Variants in GFRA1 observed in about 807,000 individuals in gnomAD.
GFRA1 encodes the protein GDNF family receptor alpha-1.
A neutral mutation model predicts 51.6 loss-of-function variants in GFRA1; 16 were observed. The ratio of observed to expected loss-of-function variants is 0.31; its 90% CI spans 0.21 to 0.47. The LOEUF (loss-of-function observed/expected upper bound fraction) is 0.47. GFRA1 is among the 20% of genes least tolerant of loss of function. The pLI is 1.00. For missense variants in GFRA1, 530 were observed against 594.3 expected (o/e 0.89, Z 1.13); for synonymous variants, 270 against 241.3 (o/e 1.12, Z -1.10).
At chr10:116,122,533 G>A (rs1957689857) in intron 6 of GFRA1, among the ~76,000 whole-genome samples, 1 of 152,130 alleles carries the variant, frequency 6.6e-6, no homozygotes, top group African/African-American at 2.4e-5. Flanking sequence ...AGCCCTCTAA[G>A]TTCTCAACTC....
Position 116,271,126 on chromosome 10 carries a change from G to A in GFRA1, c.41-11C>T, listed in dbSNP as rs764540498. Reference sequence around the variant, plus strand: ...CCGACAGGAGCAAGTCTGCGGGGCAGAGGGGAGGGAGCCTGAGTGCGGCGG... The same window carrying A: ...CCGACAGGAGCAAGTCTGCGGGGCAAAGGGGAGGGAGCCTGAGTGCGGCGG... On this transcript the variant is annotated splice_polypyrimidine_tract_variant and intron_variant, in intron 2 of 10. Coordinates refer to ENST00000355422, the MANE Select transcript of GFRA1 (RefSeq NM_005264.8). The A allele has an allele frequency of 2.5e-6, 4 of 1,595,022 alleles. No individual in the cohort carries two copies. Among genetic ancestry groups the A allele is most frequent in the East Asian group, 2.3e-5 (1 of 44,318 alleles).
chr10:116,223,000 A>C (rs1966031043), intron 4 of GFRA1, among the ~76,000 whole-genome samples: 1 of 152,270 alleles, frequency 6.6e-6, no homozygotes, highest in East Asian at 1.9e-4. Context: ...TCTATACAGA[A>C]GGATGTGCAT....
rs146471209 is a variant in GFRA1 at position 116,251,623 on chromosome 10, C to A, written c.418+17880G>T. Among the ~76,000 whole-genome samples the A allele has an allele frequency of 2.6e-5, 4 of 152,310 alleles. No homozygotes were observed. The East Asian group carries it at 7.7e-4, about 29-fold the overall frequency. ...TACAAAGAATATCTCAAGTCCAATG[C>A]CAGCCTTCCAGGAGTTTAAACACTT... On this transcript the variant is annotated intron_variant, in intron 4 of 10. Coordinates refer to ENST00000355422, the MANE Select transcript of GFRA1 (RefSeq NM_005264.8).
chr10:116,096,769 A>C lies in GFRA1; in HGVS notation c.771-5T>G, dbSNP rs1176046318. The stretch of plus-strand genomic sequence containing the variant: ...AAAAAATCCGCAAGGCGAGATCTAC[A>C]ATAGGAAAAAAGGGGTGGGGGGTGG... On this transcript the variant is annotated splice_polypyrimidine_tract_variant and splice_region_variant and intron_variant, in intron 6 of 10. Coordinates refer to ENST00000355422, the MANE Select transcript of GFRA1 (RefSeq NM_005264.8). 6.5e-7 allele frequency: 1 copy of C among 1,541,616 alleles called. No individual in the cohort carries two copies. The highest frequency in any genetic ancestry group is 9.0e-7 in the Non-Finnish European group (1 of 1,115,728).
chr10:116,247,131 C>T (rs1967930967), intron 4 of GFRA1, among the ~76,000 whole-genome samples: 1 of 152,198 alleles, frequency 6.6e-6, no homozygotes, highest in East Asian at 1.9e-4. Flanking sequence ...TGTCCCCGAC[C>T]CCTGCCCCAT....
At chr10:116,209,273 A>C (rs1374819811) in intron 5 of GFRA1, among the ~76,000 whole-genome samples, 3 of 152,230 alleles carry the variant, frequency 2.0e-5, no homozygotes, top group Non-Finnish European at 4.4e-5. Context: ...AATATAAGAT[A>C]ATGCAATCCA....
At chr10:116,085,103 A>G (rs1956037150) in intron 9 of GFRA1, among the ~76,000 whole-genome samples, 1 of 152,156 alleles carries the variant, frequency 6.6e-6, no homozygotes, top group Non-Finnish European at 1.5e-5. Context: ...ACACTAATCA[A>G]TCAACTTTCC....
intron 6 of GFRA1, among the ~76,000 whole-genome samples, chr10:116,104,643 C>A (rs1030012714): frequency 2.6e-5 from 4 of 152,228 alleles, no homozygotes; most frequent in African/African-American, 9.6e-5. Flanking sequence ...TTTCTGATTG[C>A]ATCAAACTGC....
Position 116,060,645 on chromosome 10 carries a change from C to T in GFRA1, c.*3753G>A, listed in dbSNP as rs1954764520. On this transcript the variant is annotated 3_prime_UTR_variant, in exon 11 of 11. Transcript: ENST00000355422. ...AGGTCGTTCTTGAAAAGATGGGTGT[C>T]ACATAGTCTGATGTGCTTTATCAAA... The T allele has an allele frequency of 6.6e-6, 1 of 152,116 alleles. No homozygotes were observed. Among genetic ancestry groups the T allele is most frequent in the East Asian group, 1.9e-4 (1 of 5,158 alleles). The allele number at this position is 152,116 out of a possible 1,614,324, so 9.4% of individuals were successfully genotyped here.
intron 5 of GFRA1, among the ~76,000 whole-genome samples, chr10:116,141,851 T>G (rs2134095494): frequency 6.6e-6 from 1 of 152,270 alleles, no homozygotes; most frequent in South Asian, 2.1e-4. Flanking sequence ...CCCAAATTGC[T>G]GGGATTACAG....
chr10:116,254,054 C>T (rs1404164194), intron 4 of GFRA1, among the ~76,000 whole-genome samples: 1 of 152,106 alleles, frequency 6.6e-6, no homozygotes, highest in Non-Finnish European at 1.5e-5. Context: ...GGTGCAATAG[C>T]TCATGCCTGT....
At chr10:116,113,458 C>A (rs547728485) in intron 6 of GFRA1, among the ~76,000 whole-genome samples, 12 of 152,200 alleles carry the variant, frequency 7.9e-5, no homozygotes, top group African/African-American at 2.6e-4. Flanking sequence ...ACTATGTTTG[C>A]CAAAGAGCAC....
At chr10:116,222,191 C>A (rs529841795) in intron 4 of GFRA1, among the ~76,000 whole-genome samples, 26 of 152,044 alleles carry the variant, frequency 1.7e-4, no homozygotes, top group African/African-American at 3.6e-4. Context: ...TTCTTTTCTT[C>A]TTTATTTATT....
At chr10:116,125,629 G>T in intron 5 of GFRA1, 72 bp from the exon 6 acceptor site, 1 of 1,207,058 alleles carries the variant, frequency 8.3e-7, no homozygotes, top group Admixed American at 1.9e-5. Context: ...TGTTTTAATT[G>T]AGATCCTGCC....
intron 6 of GFRA1, among the ~76,000 whole-genome samples, chr10:116,102,658 G>C (rs913919983): frequency 1.3e-5 from 2 of 152,030 alleles, no homozygotes; most frequent in African/African-American, 2.4e-5. Context: ...AAGCAAAAGG[G>C]GTTTCCCCTT....
chr10:116,204,833 T>C (rs573124008), intron 5 of GFRA1, among the ~76,000 whole-genome samples: 2 of 152,286 alleles, frequency 1.3e-5, no homozygotes, highest in South Asian at 2.1e-4. Flanking sequence ...TTTATGTAGA[T>C]AGGCAACCCT....
intron 5 of GFRA1, among the ~76,000 whole-genome samples, chr10:116,132,645 C>A (rs1489948826): frequency 6.6e-6 from 1 of 151,940 alleles, no homozygotes; most frequent in Non-Finnish European, 1.5e-5. Flanking sequence ...ACTGCGGATC[C>A]TACTGCAATG....
intron 9 of GFRA1, among the ~76,000 whole-genome samples, chr10:116,077,035 G>A (rs544115791): frequency 2.6e-5 from 4 of 152,152 alleles, no homozygotes; most frequent in African/African-American, 9.7e-5. Context: ...TAAACTATGA[G>A]TTATTTGGAG....
chr10:116,090,966 A>G (rs772889118), intron 8 of GFRA1, among the ~76,000 whole-genome samples: 33 of 152,196 alleles, frequency 2.2e-4, no homozygotes, highest in Non-Finnish European at 3.7e-4. Flanking sequence ...TGTAAGAAAC[A>G]GCTTCAAATT....
Sources: allele counts gnomAD v4.1 joint callset (sites outside exome capture counted in the v4.1 genomes callset), GRCh38; gene constraint gnomAD v4.1.1; transcripts MANE v1.5; gene names NCBI Gene and HGNC (gene_info 2026-07-23, HGNC 2026-07-21).